The following ADAM12 variants were observed in gnomAD, a reference collection of about 807,000 sequenced individuals.
ADAM12 encodes the protein ADAM metallopeptidase domain 12.
Under a neutral mutation model 106.4 loss-of-function variants are expected in ADAM12, and 70 were observed. That is an observed-to-expected ratio of 0.66 (90% confidence interval 0.54 to 0.80). The LOEUF is 0.80. ADAM12 is among the 30% of genes least tolerant of loss of function. ADAM12 has a pLI of 0.00. For missense variants in ADAM12, 1,010 were observed against 1,171.9 expected (o/e 0.86, Z 2.02); for synonymous variants, 420 against 433.5 (o/e 0.97, Z 0.39).
At chr10:126,367,652 G>A (rs1033113779) in intron 1 of ADAM12, among the ~76,000 whole-genome samples, 2 of 151,808 alleles carry the variant, frequency 1.3e-5, no homozygotes, top group Admixed American at 6.6e-5. Context: ...CTAGCAGGAT[G>A]AAAAAAATGA....
chr10:126,220,611 G>A (rs1399794299), intron 3 of ADAM12, among the ~76,000 whole-genome samples: 1 of 152,192 alleles, frequency 6.6e-6, no homozygotes, highest in East Asian at 1.9e-4. Flanking sequence ...TGAAATTCAG[G>A]TTTCAATGGG....
At chr10:126,293,687 T>A (rs1960251657) in intron 2 of ADAM12, among the ~76,000 whole-genome samples, 1 of 152,028 alleles carries the variant, frequency 6.6e-6, no homozygotes, top group Non-Finnish European at 1.5e-5. Flanking sequence ...CCTGGCCAAT[T>A]TTTGTTGTTT....
At chr10:126,027,475 TACAGGCAA>T (rs1290065895) in intron 21 of ADAM12, among the ~76,000 whole-genome samples, 1 of 151,942 alleles carries the variant, frequency 6.6e-6, no homozygotes, top group Admixed American at 6.5e-5. Flanking sequence ...CTCAACAAAA[TACAGGCAA>T]ACAGAATCTG....
intron 2 of ADAM12, among the ~76,000 whole-genome samples, chr10:126,319,179 C>T (rs1854004497): frequency 6.6e-6 from 1 of 152,140 alleles, no homozygotes; most frequent in Non-Finnish European, 1.5e-5. Context: ...ATCTCACATG[C>T]ATGAGAATTC....
At chr10:126,237,358 T>C (rs919514392) in intron 3 of ADAM12, among the ~76,000 whole-genome samples, 1 of 151,604 alleles carries the variant, frequency 6.6e-6, no homozygotes, top group African/African-American at 2.4e-5. Flanking sequence ...ATTCTATTAT[T>C]CTCAGAAAAA....
intron 8 of ADAM12, among the ~76,000 whole-genome samples, chr10:126,108,378 G>A (rs1037355508): frequency 1.3e-5 from 2 of 152,146 alleles, no homozygotes; most frequent in Non-Finnish European, 2.9e-5. Flanking sequence ...AGGAAGACAT[G>A]TCACCAAGGC....
intron 21 of ADAM12, among the ~76,000 whole-genome samples, 188 bp downstream of exon 21, chr10:126,035,958 A>G (rs1954052226): frequency 7.1e-6 from 1 of 140,048 alleles, no homozygotes; most frequent in African/African-American, 2.5e-5. Flanking sequence ...TGACACTCTT[A>G]TTATTATACT....
At chr10:126,120,142 A>C (rs1956058793) in intron 5 of ADAM12, among the ~76,000 whole-genome samples, 1 of 152,210 alleles carries the variant, frequency 6.6e-6, no homozygotes, top group African/African-American at 2.4e-5. Flanking sequence ...GAACCTCCTT[A>C]GACTCTTCCT....
intron 2 of ADAM12, among the ~76,000 whole-genome samples, chr10:126,320,044 G>A (rs117461603): frequency 0.014 from 2,165 of 152,232 alleles, 18 homozygotes; most frequent in Non-Finnish European, 0.021. Context: ...TACTAGGAAG[G>A]GGACGAAAAC....
chr10:126,061,688 G>C (rs1425810276), intron 14 of ADAM12, among the ~76,000 whole-genome samples: 2 of 152,174 alleles, frequency 1.3e-5, no homozygotes, highest in Non-Finnish European at 2.9e-5. Context: ...ATGCTGTGCT[G>C]TTGGCCTCGA....
intron 11 of ADAM12, among the ~76,000 whole-genome samples, chr10:126,073,437 A>T (rs1955039292): frequency 6.6e-6 from 1 of 151,888 alleles, no homozygotes; most frequent in African/African-American, 2.4e-5. Flanking sequence ...GTACATGGGC[A>T]GGTTTGTTAT....
At chr10:126,037,205 A>G (rs1954075751) in intron 20 of ADAM12, among the ~76,000 whole-genome samples, 1 of 151,874 alleles carries the variant, frequency 6.6e-6, no homozygotes, top group Non-Finnish European at 1.5e-5. Flanking sequence ...CATTGTGCAA[A>G]TATACCATTG....
intron 11 of ADAM12, among the ~76,000 whole-genome samples, chr10:126,080,581 G>A (rs909612989): frequency 4.6e-5 from 7 of 152,172 alleles, no homozygotes; most frequent in Non-Finnish European, 8.8e-5. Flanking sequence ...CTCCAAAGCC[G>A]TGGCAGGGTG....
At chr10:126,387,849 C>T (rs1389236318) in intron 1 of ADAM12, among the ~76,000 whole-genome samples, 1 of 147,152 alleles carries the variant, frequency 6.8e-6, no homozygotes, top group Non-Finnish European at 1.5e-5. Context: ...TCCTGTGGGG[C>T]TGCGGGCCAA....
In ADAM12 at chr10:126,014,693, G is replaced by A. The variant is rs1419581489; in HGVS notation, c.*2586C>T. ...GAATTGCCTGGAACCCATGAAGTGA[G>A]GTCATAGAACCTACAACTATAATAA... On this transcript the variant is annotated 3_prime_UTR_variant, in exon 23 of 23. Transcript: ENST00000448723. The A allele has an allele frequency of 1.3e-5, 2 of 152,010 alleles. No individual in the cohort carries two copies. Among genetic ancestry groups the A allele is most frequent in the African/African-American group, 4.8e-5 (2 of 41,356 alleles). The allele number at this position is 152,010 out of a possible 1,614,324, so 9.4% of individuals were successfully genotyped here.
chr10:126,020,627 C>T (rs1953746528), intron 21 of ADAM12, among the ~76,000 whole-genome samples: 1 of 152,076 alleles, frequency 6.6e-6, no homozygotes, highest in Admixed American at 6.5e-5. Context: ...TAGGAAGTTC[C>T]CAGCACACAG....
intron 2 of ADAM12, among the ~76,000 whole-genome samples, chr10:126,292,218 G>T (rs556768857): frequency 2.6e-5 from 4 of 151,958 alleles, no homozygotes; most frequent in African/African-American, 9.7e-5. Flanking sequence ...CATTTCTCCC[G>T]ACTCCCCCGA....
intron 3 of ADAM12, among the ~76,000 whole-genome samples, chr10:126,278,642 C>G (rs10751544): frequency 1.3e-5 from 2 of 152,154 alleles, no homozygotes; most frequent in South Asian, 4.1e-4. Context: ...ATGCTTAAAT[C>G]AAATCTTTGA....
rs374042142 is a variant in ADAM12, at chr10:126,218,139, T to A, written c.260+60776A>T. 1.3e-3 allele frequency among the ~76,000 whole-genome samples: 195 copies of A among 151,870 alleles called. 4 individuals carry two copies. The South Asian group carries it at 0.039, about 30-fold the overall frequency. ...TGATTGTGATTATAATCATTAATCATTATCAGCAACAAAAGCAAAATACAG... is the reference window on the plus strand; with the variant it reads ...TGATTGTGATTATAATCATTAATCAATATCAGCAACAAAAGCAAAATACAG... On this transcript the variant is annotated intron_variant, in intron 3 of 22. Coordinates refer to ENST00000448723, the MANE Select transcript of ADAM12 (RefSeq NM_001288973.2).
Sources: allele counts gnomAD v4.1 joint callset (sites outside exome capture counted in the v4.1 genomes callset), GRCh38; gene constraint gnomAD v4.1.1; transcripts MANE v1.5; gene names NCBI Gene and HGNC (gene_info 2026-07-23, HGNC 2026-07-21).